MECOM: variants seen among roughly 807,000 people sequenced by gnomAD.
MECOM encodes histone-lysine N-methyltransferase MECOM.
Under a neutral mutation model 116.3 loss-of-function variants are expected in MECOM, and 13 were observed. The ratio of observed to expected loss-of-function variants is 0.11; its 90% CI spans 0.07 to 0.18. The LOEUF is 0.18. MECOM is among the 10% of genes least tolerant of loss of function. The pLI is 1.00. For synonymous variants in MECOM, 528 were observed against 535.2 expected (o/e 0.99, Z 0.19); for missense variants, 1,299 against 1,509.0 (o/e 0.86, Z 2.31).
intron 2 of MECOM, among the ~76,000 whole-genome samples, chr3:169,369,111 G>A (rs1233544295): frequency 6.6e-6 from 1 of 151,892 alleles, no homozygotes; most frequent in African/African-American, 2.4e-5. Flanking sequence ...AAGTACTAGA[G>A]GTTGCCCAAA....
intron 11 of MECOM, among the ~76,000 whole-genome samples, chr3:169,101,695 T>C (rs1723597368): frequency 6.6e-6 from 1 of 152,226 alleles, no homozygotes; most frequent in African/African-American, 2.4e-5. Flanking sequence ...AATGGCCTTA[T>C]TCTTTAATGC....
intron 4 of MECOM, among the ~76,000 whole-genome samples, chr3:169,129,697 G>A (rs1314816231): frequency 6.6e-6 from 1 of 152,020 alleles, no homozygotes; most frequent in East Asian, 1.9e-4. Context: ...CCAGGAGTCC[G>A]AACACAAGCA....
intron 2 of MECOM, among the ~76,000 whole-genome samples, chr3:169,241,850 T>C (rs1319102716): frequency 1.3e-5 from 2 of 152,236 alleles, no homozygotes; most frequent in East Asian, 1.9e-4. Context: ...TTATAGTCTT[T>C]AAGCTTCTAC....
At chr3:169,238,466 A>G (rs1297406111) in intron 2 of MECOM, among the ~76,000 whole-genome samples, 1 of 152,166 alleles carries the variant, frequency 6.6e-6, no homozygotes, top group African/African-American at 2.4e-5. Flanking sequence ...GACCACAGCA[A>G]TTTTACTCTT....
At chr3:169,206,264 G>T (rs1749900573) in intron 2 of MECOM, among the ~76,000 whole-genome samples, 1 of 152,138 alleles carries the variant, frequency 6.6e-6, no homozygotes, top group African/African-American at 2.4e-5. Context: ...CAGGAAAAAT[G>T]ATCCTAGTGA....
intron 2 of MECOM, among the ~76,000 whole-genome samples, chr3:169,304,323 T>A (rs1281385742): frequency 6.6e-6 from 1 of 152,254 alleles, no homozygotes; most frequent in Non-Finnish European, 1.5e-5. Context: ...CTTTGTATTT[T>A]GTTCCCATGA....
At chr3:169,313,770 T>G (rs560007199) in intron 2 of MECOM, among the ~76,000 whole-genome samples, 1 of 152,000 alleles carries the variant, frequency 6.6e-6, no homozygotes, top group Non-Finnish European at 1.5e-5. Context: ...TTAAGAGAGG[T>G]GCAGAGGAAG....
At chr3:169,146,511 A>C (rs1376785611) in intron 2 of MECOM, 1 of 1,380,156 alleles carries the variant, frequency 7.2e-7, no homozygotes, top group African/African-American at 1.5e-5. Flanking sequence ...AGACGTGTCC[A>C]GACCGCACCG....
chr3:169,393,862 A>G (rs1370686522), intron 1 of MECOM, among the ~76,000 whole-genome samples: 1 of 152,200 alleles, frequency 6.6e-6, no homozygotes, highest in Non-Finnish European at 1.5e-5. Context: ...GAGCTAAAGA[A>G]AGCAAGAAAA....
chr3:169,470,921 T>C (rs1749119298), intron 1 of MECOM, among the ~76,000 whole-genome samples: 1 of 152,194 alleles, frequency 6.6e-6, no homozygotes, highest in South Asian at 2.1e-4. Context: ...AAATGCCTAA[T>C]GTCCTTTTGT....
chr3:169,335,947 A>G (rs968888077), intron 2 of MECOM, among the ~76,000 whole-genome samples: 6 of 152,198 alleles, frequency 3.9e-5, no homozygotes, highest in Admixed American at 2.0e-4. Flanking sequence ...TACATTATAT[A>G]TTACTTAATT....
chr3:169,310,585 G>C (rs542373368), intron 2 of MECOM, among the ~76,000 whole-genome samples: 1 of 152,302 alleles, frequency 6.6e-6, no homozygotes, highest in East Asian at 1.9e-4. Flanking sequence ...TTTGGCGTGT[G>C]TATCTATTGC....
intron 1 of MECOM, among the ~76,000 whole-genome samples, chr3:169,537,306 A>AT (rs1310130974): frequency 1.3e-5 from 2 of 151,992 alleles, no homozygotes; most frequent in Non-Finnish European, 2.9e-5. Context: ...TAGCATAGCC[A>AT]TTAGTATTAG....
At chr3:169,216,684 T>C (rs1334860582) in intron 2 of MECOM, among the ~76,000 whole-genome samples, 1 of 151,790 alleles carries the variant, frequency 6.6e-6, no homozygotes, top group Non-Finnish European at 1.5e-5. Context: ...CACTTTACAA[T>C]ATTGGGGGAA....
At chr3:169,167,394 G>C (rs1026309235) in intron 2 of MECOM, among the ~76,000 whole-genome samples, 1 of 152,186 alleles carries the variant, frequency 6.6e-6, no homozygotes, top group Non-Finnish European at 1.5e-5. Context: ...ATGGGCTAAG[G>C]ATGGGCAGGG....
chr3:169,396,046 G>A (rs946262036), intron 1 of MECOM, among the ~76,000 whole-genome samples: 1 of 152,152 alleles, frequency 6.6e-6, no homozygotes, highest in Admixed American at 6.5e-5. Flanking sequence ...AATTCCATAT[G>A]AAGCTTATTT....
chr3:169,129,257 A>G (rs532944056), intron 4 of MECOM, among the ~76,000 whole-genome samples: 1 of 152,198 alleles, frequency 6.6e-6, no homozygotes, highest in South Asian at 2.1e-4. Flanking sequence ...GAGCTGTAGT[A>G]AAGTATGGTA....
intron 1 of MECOM, among the ~76,000 whole-genome samples, chr3:169,636,969 C>T (rs1042776031): frequency 6.6e-6 from 1 of 152,154 alleles, no homozygotes; most frequent in Admixed American, 6.5e-5. Flanking sequence ...TCCCAGTATT[C>T]GTGCCCTTGT....
At position 169,406,876 on chromosome 3, in the gene MECOM, C is replaced by T. The variant is rs1181593725; in HGVS notation, c.38-25352G>A. Among the ~76,000 whole-genome samples the T allele has an allele frequency of 2.0e-5, 3 of 149,400 alleles. No individual in the cohort carries two copies. The East Asian group carries it at 5.9e-4, about 29-fold the overall frequency. The stretch of plus-strand genomic sequence containing the variant: ...TTTTTTTTTTTAATGGAGTCTCACT[C>T]TGTCACCCAAGCTGGAGTGCAGTGA... On this transcript the variant is annotated intron_variant, in intron 1 of 16. Coordinates refer to ENST00000651503, the MANE Select transcript of MECOM (RefSeq NM_004991.4).
Sources: gnomAD v4.1 joint callset for allele counts (sites outside exome capture counted in the v4.1 genomes callset) on GRCh38, gnomAD v4.1.1 for gene constraint, MANE v1.5 for transcripts, NCBI Gene and HGNC (gene_info 2026-07-23, HGNC 2026-07-21) for gene names.